Variants in SAMD12 observed in about 807,000 individuals in gnomAD.
SAMD12 encodes sterile alpha motif domain-containing protein 12.
A neutral mutation model predicts 15.0 loss-of-function variants in SAMD12; 9 were observed. That is an observed-to-expected ratio of 0.60 (90% CI 0.36 to 1.05). The LOEUF is 1.05. Among genes scored for constraint, SAMD12 ranks in the 50% least tolerant of loss-of-function variants. The pLI, the probability that SAMD12 is intolerant of heterozygous loss-of-function variation, is 0.01. For synonymous variants in SAMD12, 86 were observed against 90.1 expected, an observed-to-expected ratio of 0.96 and a Z score of 0.25; for missense variants, 230 against 234.2, an observed-to-expected ratio of 0.98 and a Z score of 0.12.
At chr8:118,366,889 TAA>T (rs564404306) in intron 4 of SAMD12, among the ~76,000 whole-genome samples, 23 of 89,468 alleles carry the variant, frequency 2.6e-4, no homozygotes, top group Non-Finnish European at 3.6e-4. Flanking sequence ...AATAATAAAA[TAA>T]AATAAAATAA....
At chr8:118,468,986 A>G (rs774466162) in intron 2 of SAMD12, among the ~76,000 whole-genome samples, 4 of 152,044 alleles carry the variant, frequency 2.6e-5, no homozygotes, top group Non-Finnish European at 5.9e-5. Flanking sequence ...CTCCTTTCCC[A>G]TCACATTCAT....
chr8:118,318,989 G>C (rs1214633763), intron 4 of SAMD12, among the ~76,000 whole-genome samples: 2 of 152,108 alleles, frequency 1.3e-5, no homozygotes, highest in Admixed American at 6.6e-5. Flanking sequence ...TTGTGGGTAA[G>C]AGCTGGACCA....
chr8:118,577,912 G>T (rs1827191919), intron 2 of SAMD12, among the ~76,000 whole-genome samples: 1 of 152,070 alleles, frequency 6.6e-6, no homozygotes, highest in Non-Finnish European at 1.5e-5. Context: ...TAAAGTTAAT[G>T]GGACAATCTG....
At chr8:118,415,947 A>C (rs542247792) in intron 3 of SAMD12, among the ~76,000 whole-genome samples, 1 of 152,310 alleles carries the variant, frequency 6.6e-6, no homozygotes, top group Admixed American at 6.5e-5. Flanking sequence ...AAAATTGTCT[A>C]AACTAAACTG....
chr8:118,455,071 C>T (rs1333266588), intron 2 of SAMD12, among the ~76,000 whole-genome samples: 2 of 152,186 alleles, frequency 1.3e-5, no homozygotes, highest in Admixed American at 6.5e-5. Flanking sequence ...CTCACGCTGT[C>T]TCCCCACACT....
the SAMD12 span, among the ~76,000 whole-genome samples, chr8:118,149,482 T>A: frequency 6.6e-6 from 1 of 152,188 alleles, no homozygotes; most frequent in South Asian, 2.1e-4. Context: ...TTCTTACAAA[T>A]GAATTTTGAG....
chr8:118,347,531 G>A (rs962758907), intron 4 of SAMD12, among the ~76,000 whole-genome samples: 2 of 152,172 alleles, frequency 1.3e-5, no homozygotes, highest in African/African-American at 4.8e-5. Flanking sequence ...GAAAAGTCTG[G>A]ATACTACAGC....
intron 4 of SAMD12, among the ~76,000 whole-genome samples, chr8:118,198,068 C>G (rs1334228813): frequency 6.6e-6 from 1 of 152,166 alleles, no homozygotes; most frequent in Non-Finnish European, 1.5e-5. Flanking sequence ...TATGAAGGTT[C>G]ATGCATTTGC....
At chr8:118,580,587 C>G in intron 2 of SAMD12, 128 bp downstream of exon 2, 1 of 656,674 alleles carries the variant, frequency 1.5e-6, no homozygotes, top group Non-Finnish European at 2.7e-6. Context: ...CCGCAAGATA[C>G]AGTGCTCATT....
chr8:118,297,013 T>C (rs537073456), intron 4 of SAMD12, among the ~76,000 whole-genome samples: 2 of 152,350 alleles, frequency 1.3e-5, no homozygotes, highest in East Asian at 3.9e-4. Context: ...CTGATGTATA[T>C]GGCTGCATAT....
At chr8:118,531,179 A>G (rs575706212) in intron 2 of SAMD12, among the ~76,000 whole-genome samples, 13 of 152,320 alleles carry the variant, frequency 8.5e-5, no homozygotes, top group African/African-American at 2.4e-4. Context: ...CATTTATTCA[A>G]TAGGGAATCC....
chr8:118,475,369 C>A (rs1208779358), intron 2 of SAMD12, among the ~76,000 whole-genome samples: 1 of 152,188 alleles, frequency 6.6e-6, no homozygotes, highest in East Asian at 1.9e-4. Flanking sequence ...CAGCTTGTGG[C>A]CCCTCACTAG....
At chr8:118,176,375 A>G in the SAMD12 span, among the ~76,000 whole-genome samples, 1 of 152,226 alleles carries the variant, frequency 6.6e-6, no homozygotes, top group African/African-American at 2.4e-5. Context: ...TATGTTCATC[A>G]CAGCACTATT....
chr8:118,557,034 T>G (rs1277253788), intron 2 of SAMD12, among the ~76,000 whole-genome samples: 1 of 151,836 alleles, frequency 6.6e-6, no homozygotes, highest in Non-Finnish European at 1.5e-5. Flanking sequence ...ATAAGGGCCA[T>G]AACAGAGGAA....
At chr8:118,161,346 G>A in the SAMD12 span, among the ~76,000 whole-genome samples, 45,447 of 151,946 alleles carry the variant, frequency 0.3, 6,763 homozygotes, top group Admixed American at 0.33. Flanking sequence ...CACTTTGGGA[G>A]GCTAAGGTGG....
At chr8:118,417,053 A>G (rs1223200640) in intron 3 of SAMD12, among the ~76,000 whole-genome samples, 1 of 152,078 alleles carries the variant, frequency 6.6e-6, no homozygotes, top group Non-Finnish European at 1.5e-5. Context: ...TGTTTGTGCT[A>G]AAGATTATTG....
chr8:118,284,484 G>A, intron 4 of SAMD12: 1 of 397,490 alleles, frequency 2.5e-6, no homozygotes, highest in South Asian at 1.9e-5. Flanking sequence ...CAAAGAATCT[G>A]AAATAGTCCC....
At chr8:118,433,497 A>G (rs1822483199) in intron 3 of SAMD12, among the ~76,000 whole-genome samples, 1 of 151,880 alleles carries the variant, frequency 6.6e-6, no homozygotes, top group South Asian at 2.1e-4. Context: ...TTTCCCCTGA[A>G]TCATCAAGAA....
intron 2 of SAMD12, among the ~76,000 whole-genome samples, chr8:118,482,095 T>G (rs571692283): frequency 6.6e-6 from 1 of 152,362 alleles, no homozygotes; most frequent in African/African-American, 2.4e-5. Flanking sequence ...ATGCCATCTG[T>G]TAAATGACCA....
Sources: gnomAD v4.1 joint callset for allele counts (sites outside exome capture counted in the v4.1 genomes callset) on GRCh38, gnomAD v4.1.1 for gene constraint, MANE v1.5 for transcripts, NCBI Gene and HGNC (gene_info 2026-07-23, HGNC 2026-07-21) for gene names.